The following HDAC8 variants were observed in gnomAD, a reference collection of about 807,000 sequenced individuals.
HDAC8 encodes histone deacetylase 8.
A neutral mutation model predicts 32.2 loss-of-function variants in HDAC8; 1 was observed. The observed-to-expected ratio is 0.03, with a 90% CI of 0.01 to 0.15. The LOEUF is 0.15. HDAC8 is among the 10% of genes least tolerant of loss of function. The pLI is 1.00. For synonymous variants in HDAC8, 108 were observed against 113.9 expected, an observed-to-expected ratio of 0.95 and a Z score of 0.33; for missense variants, 117 against 300.0, an observed-to-expected ratio of 0.39 and a Z score of 4.51.
intron 9 of HDAC8, among the ~76,000 whole-genome samples, chrX:72,450,841 TAAAG>T (rs1385558533): frequency 9.1e-6 from 1 of 110,497 alleles, no homozygotes; most frequent in Admixed American, 9.6e-5. Flanking sequence ...AAAAAAAAAA[TAAAG>T]AAATACTGGC....
intron 4 of HDAC8, among the ~76,000 whole-genome samples, chrX:72,496,864 G>A (rs1167052834): frequency 9.1e-6 from 1 of 110,459 alleles, no homozygotes; most frequent in Non-Finnish European, 1.9e-5. Flanking sequence ...ACAGAGAAAA[G>A]CTATAGACAA....
chrX:72,342,857 C>T (rs1038537326), intron 10 of HDAC8, among the ~76,000 whole-genome samples: 17 of 111,178 alleles, frequency 1.5e-4, no homozygotes, highest in African/African-American at 5.6e-4. Context: ...AATTAACTCC[C>T]CTAGGCCTCA....
chrX:72,524,790 A>G (rs918646623), intron 4 of HDAC8, among the ~76,000 whole-genome samples: 15 of 110,499 alleles, frequency 1.4e-4, no homozygotes, highest in Non-Finnish European at 2.7e-4. Context: ...TCTGACAACC[A>G]GTTCAAATGT....
At chrX:72,440,500 C>G (rs369444685) in intron 9 of HDAC8, among the ~76,000 whole-genome samples, 2 of 111,269 alleles carry the variant, frequency 1.8e-5, no homozygotes, top group Non-Finnish European at 3.8e-5. Context: ...GAGATAGAGA[C>G]ACAAAAAACC....
intron 7 of HDAC8, among the ~76,000 whole-genome samples, chrX:72,480,870 A>G (rs2048474545): frequency 9.3e-6 from 1 of 107,864 alleles, no homozygotes; most frequent in South Asian, 4.4e-4. Context: ...ACATGGACAC[A>G]GGGAGGGGAA....
intron 9 of HDAC8, among the ~76,000 whole-genome samples, chrX:72,415,381 C>T (rs923499532): frequency 8.9e-6 from 1 of 111,998 alleles, no homozygotes; most frequent in Non-Finnish European, 1.9e-5. Flanking sequence ...CCTGCTTTAT[C>T]CTTTTTTTAC....
intron 9 of HDAC8, among the ~76,000 whole-genome samples, chrX:72,363,957 A>G (rs2147778363): frequency 8.9e-6 from 1 of 111,859 alleles, no homozygotes; most frequent in East Asian, 2.8e-4. Context: ...TGCTTGGGGT[A>G]CTGTGTTGAG....
intron 9 of HDAC8, among the ~76,000 whole-genome samples, chrX:72,448,547 C>T (rs1378500546): frequency 2.7e-5 from 3 of 112,010 alleles, no homozygotes; most frequent in Non-Finnish European, 5.6e-5. Flanking sequence ...GACTAAAATA[C>T]CAAAAGCAAT....
intron 9 of HDAC8, among the ~76,000 whole-genome samples, chrX:72,364,748 G>C (rs782722208): frequency 4.3e-4 from 48 of 111,272 alleles, no homozygotes; most frequent in African/African-American, 1.5e-3. Flanking sequence ...GATGGGCCCA[G>C]TAAAAGCCCA....
intron 4 of HDAC8, among the ~76,000 whole-genome samples, chrX:72,561,507 A>G (rs2051561909): frequency 8.9e-6 from 1 of 112,364 alleles, no homozygotes; most frequent in African/African-American, 3.2e-5. Flanking sequence ...CTGGATCCCC[A>G]TCTCTCACCT....
intron 4 of HDAC8, among the ~76,000 whole-genome samples, chrX:72,511,694 G>T (rs1283603235): frequency 8.9e-6 from 1 of 112,166 alleles, no homozygotes; most frequent in Non-Finnish European, 1.9e-5. Context: ...TGCAGGGAAA[G>T]CTTTCAGATT....
chrX:72,410,123 T>TACAATGGGA (rs1289544218), intron 9 of HDAC8, among the ~76,000 whole-genome samples: 2 of 110,378 alleles, frequency 1.8e-5, no homozygotes, highest in African/African-American at 6.6e-5. Flanking sequence ...TGAGCTAGGT[T>TACAATGGGA]ACAATGGGAA....
chrX:72,390,672 G>T (rs1389380847), intron 9 of HDAC8, among the ~76,000 whole-genome samples: 1 of 111,743 alleles, frequency 8.9e-6, no homozygotes, highest in Non-Finnish European at 1.9e-5. Flanking sequence ...GAAAGAGCCA[G>T]TCACATAGCT....
At chrX:72,399,587 T>C (rs1456140800) in intron 9 of HDAC8, among the ~76,000 whole-genome samples, 1 of 111,906 alleles carries the variant, frequency 8.9e-6, no homozygotes, top group Non-Finnish European at 1.9e-5. Flanking sequence ...ATCTTTACAA[T>C]ACTGAGTCTC....
chrX:72,484,531 C>T (rs2048609790), intron 7 of HDAC8, among the ~76,000 whole-genome samples: 1 of 112,251 alleles, frequency 8.9e-6, no homozygotes, highest in South Asian at 3.7e-4. Context: ...ACATTATAAG[C>T]ACTTCATATA....
At chrX:72,564,576 CTT>C (rs1340800616) in intron 4 of HDAC8, among the ~76,000 whole-genome samples, 17 of 112,227 alleles carry the variant, frequency 1.5e-4, no homozygotes, top group African/African-American at 5.2e-4. Flanking sequence ...AAATATTTAA[CTT>C]TTCAATCTAG....
chrX:72,379,716 G>C (rs2045213606), intron 9 of HDAC8, among the ~76,000 whole-genome samples: 1 of 110,108 alleles, frequency 9.1e-6, no homozygotes, highest in African/African-American at 3.3e-5. Context: ...TGGCTAGGCT[G>C]GTCTCAAACT....
chrX:72,473,676 C>T, intron 7 of HDAC8: 2 of 753,546 alleles, frequency 2.7e-6, no homozygotes, highest in Non-Finnish European at 3.1e-6. Flanking sequence ...GCTTCCATGA[C>T]TTACTGAGCT....
At chrX:72,496,274 T>C (rs1274589477) in intron 4 of HDAC8, among the ~76,000 whole-genome samples, 13 of 110,821 alleles carry the variant, frequency 1.2e-4, no homozygotes, top group African/African-American at 4.3e-4. Context: ...ATGAAATCTC[T>C]TCCATAATAA....
Sources: allele counts gnomAD v4.1 joint callset (sites outside exome capture counted in the v4.1 genomes callset), GRCh38; gene constraint gnomAD v4.1.1; transcripts MANE v1.5; gene names NCBI Gene and HGNC (gene_info 2026-07-23, HGNC 2026-07-21).